The following PHC2 variants were observed in gnomAD, a reference collection of about 807,000 sequenced individuals.
PHC2 encodes polyhomeotic-like protein 2.
Under a neutral mutation model 87.4 loss-of-function variants are expected in PHC2, and 29 were observed. That is an observed-to-expected ratio of 0.33 (90% CI 0.25 to 0.45). The LOEUF (loss-of-function observed/expected upper bound fraction) is 0.45, where lower values mean the gene tolerates loss of function less well. Among genes scored for constraint, PHC2 ranks in the 20% least tolerant of loss-of-function variants. PHC2 has a pLI of 1.00. For synonymous variants in PHC2, 438 were observed against 461.7 expected, an observed-to-expected ratio of 0.95 and a Z score of 0.66; for missense variants, 857 against 1,136.7, an observed-to-expected ratio of 0.75 and a Z score of 3.54.
intron 14 of PHC2, chr1:33,326,135 C>T (rs538212096): frequency 3.5e-6 from 1 of 289,206 alleles, no homozygotes; most frequent in South Asian, 3.0e-5. Context: ...GAAGGTGTTG[C>T]TTGGCTTCTT....
At chr1:33,413,156 G>A (rs1010512742) in intron 1 of PHC2, among the ~76,000 whole-genome samples, 1 of 152,078 alleles carries the variant, frequency 6.6e-6, no homozygotes, top group African/African-American at 2.4e-5. Context: ...TGGTAGAAAT[G>A]GGGTTTTACC....
Position 33,367,202 on chromosome 1 carries a change from T to C in PHC2, c.890A>G (p.Asn297Ser), listed in dbSNP as rs1364954396. Residue 297 changes from asparagine to serine, a missense_variant, in exon 7 of 15, where the codon AAC (asparagine) becomes AGC (serine). This residue lies in a region of PHC2 where 832 missense variants were observed against 1,081.8 expected (regional missense o/e 0.77). Transcript: ENST00000683057. ...VMEPHKKGDG[N>S]SSVPGSMEGR... ...TTCCATGCTCCCTGGCACACTGCTG[T>C]TGCCATCTCCTTTCTTGTGTGGCTC... 2 of 1,614,158 alleles carry C rather than the reference T, an allele frequency of 1.2e-6. 1 individual carries two copies. Among genetic ancestry groups the C allele is most frequent in the South Asian group, 2.2e-5 (2 of 91,072 alleles).
intron 1 of PHC2, among the ~76,000 whole-genome samples, chr1:33,420,734 T>C (rs1010255356): frequency 6.6e-6 from 1 of 152,210 alleles, no homozygotes; most frequent in South Asian, 2.1e-4. Context: ...CTCAGCTTCC[T>C]GAGTAGCTGA....
At position 33,354,927 on chromosome 1, in the gene PHC2, C is replaced by T; in HGVS notation, c.1303G>A (p.Gly435Arg). Residue 435 changes from glycine (G) to arginine (R), a missense_variant, in exon 8 of 15, where the codon GGA (glycine) becomes AGA (arginine). By Grantham distance (125) the Gly-to-Arg change is moderately radical. This residue lies in a region of PHC2 where 832 missense variants were observed against 1,081.8 expected (regional missense o/e 0.77). Coordinates refer to ENST00000683057, the MANE Select transcript of PHC2 (RefSeq NM_001385109.1). ...PPTPDTGPQN[G>R]HPEGVPHTPQ... ...GTGTGGGGCACGCCCTCGGGATGTC[C>T]ATTCTGAGGCCCAGTATCAGGTGTG... is the stretch of plus-strand genomic sequence containing the variant. 6.2e-7 allele frequency: 1 copy of T among 1,614,190 alleles called. No individual in the cohort carries two copies.
chr1:33,403,315 CAG>C (rs906929956), intron 1 of PHC2, among the ~76,000 whole-genome samples: 1 of 143,930 alleles, frequency 6.9e-6, no homozygotes, highest in Non-Finnish European at 1.5e-5. Flanking sequence ...TTAGTAGAGA[CAG>C]GGGTTCACCA....
chr1:33,417,722 GT>G (rs1650270374), intron 1 of PHC2, among the ~76,000 whole-genome samples: 1 of 152,020 alleles, frequency 6.6e-6, no homozygotes, highest in Admixed American at 6.5e-5. Context: ...GATGACACAA[GT>G]AGATGTAAAA....
intron 9 of PHC2, chr1:33,347,645 G>T (rs1016206261): frequency 1.4e-5 from 14 of 985,278 alleles, no homozygotes; most frequent in Non-Finnish European, 1.6e-5. Context: ...ACAACAGAAA[G>T]GACTAAGAAA....
intron 1 of PHC2, among the ~76,000 whole-genome samples, chr1:33,429,203 C>A (rs963705441): frequency 3.3e-5 from 5 of 152,126 alleles, no homozygotes; most frequent in African/African-American, 1.2e-4. Context: ...TGGACCCTTA[C>A]TTGGGAAGAT....
At chr1:33,388,251 T>C (rs1648858984) in intron 1 of PHC2, among the ~76,000 whole-genome samples, 1 of 151,806 alleles carries the variant, frequency 6.6e-6, no homozygotes, top group African/African-American at 2.4e-5. Flanking sequence ...CTAGAAGACC[T>C]GAGACAGGTT....
intron 1 of PHC2, among the ~76,000 whole-genome samples, chr1:33,395,270 A>G (rs1649246025): frequency 6.6e-6 from 1 of 151,780 alleles, no homozygotes; most frequent in Admixed American, 6.6e-5. Context: ...AAAAAATCAG[A>G]GCAGTGGTTG....
intron 14 of PHC2, chr1:33,325,950 T>C (rs566350439): frequency 4.4e-6 from 2 of 455,206 alleles, no homozygotes; most frequent in African/African-American, 2.0e-5. Flanking sequence ...TTAGGGAAGC[T>C]GCTGGGGAGG....
intron 1 of PHC2, among the ~76,000 whole-genome samples, chr1:33,397,187 C>G (rs957369260): frequency 2.0e-5 from 3 of 152,146 alleles, no homozygotes; most frequent in African/African-American, 7.2e-5. Context: ...AGCACCATCA[C>G]CAGGCACCAG....
chr1:33,414,177 TCACACACACACACA>T (rs201845759), intron 1 of PHC2, among the ~76,000 whole-genome samples: 17 of 142,754 alleles, frequency 1.2e-4, no homozygotes, highest in African/African-American at 2.9e-4. Context: ...TCTCTCTCTG[TCACACACACACACA>T]CACACACACA....
At chr1:33,363,805 C>T (rs1647275879) in intron 7 of PHC2, 1 of 985,376 alleles carries the variant, frequency 1.0e-6, no homozygotes, top group Non-Finnish European at 1.2e-6. Context: ...AACCAAGTCT[C>T]CTATCTGGGG....
intron 9 of PHC2, chr1:33,347,642 A>G (rs1557826071): frequency 2.0e-6 from 2 of 985,490 alleles, no homozygotes; most frequent in East Asian, 2.3e-4. Context: ...AGTACAACAG[A>G]AAGGACTAAG....
At chr1:33,339,778 C>G (rs768363820) in intron 9 of PHC2, among the ~76,000 whole-genome samples, 3 of 152,188 alleles carry the variant, frequency 2.0e-5, no homozygotes, top group Non-Finnish European at 4.4e-5. Context: ...ATCCAAAATG[C>G]CTGGGACCAG....
chr1:33,410,454 A>G (rs1242193701), intron 1 of PHC2, among the ~76,000 whole-genome samples: 1 of 152,210 alleles, frequency 6.6e-6, no homozygotes, highest in Non-Finnish European at 1.5e-5. Flanking sequence ...CAATCCTGTA[A>G]AAGAGTTGAT....
chr1:33,377,482 T>C (rs1648244943), intron 1 of PHC2, among the ~76,000 whole-genome samples: 1 of 152,022 alleles, frequency 6.6e-6, no homozygotes, highest in African/African-American at 2.4e-5. Flanking sequence ...TGGAGAGGGG[T>C]TGGGAAAGAA....
At chr1:33,426,584 A>G (rs989479765) in intron 1 of PHC2, among the ~76,000 whole-genome samples, 4 of 152,218 alleles carry the variant, frequency 2.6e-5, no homozygotes, top group African/African-American at 7.2e-5. Context: ...AACATGGTGG[A>G]TGAGTTTCCA....
Sources: allele counts gnomAD v4.1 joint callset (sites outside exome capture counted in the v4.1 genomes callset), GRCh38; gene constraint gnomAD v4.1.1; regional missense constraint gnomAD v4.1.1; transcripts MANE v1.5; gene names NCBI Gene and HGNC (gene_info 2026-07-23, HGNC 2026-07-21).